RGS7: variants seen among roughly 807,000 people sequenced by gnomAD.
RGS7 encodes the protein regulator of G protein signaling 7.
In RGS7, 27 loss-of-function variants were observed where a neutral mutation model predicts 81.1. The observed-to-expected ratio is 0.33, with a 90% CI of 0.25 to 0.46. The LOEUF is 0.46. RGS7 is among the 20% of genes least tolerant of loss of function. The probability of loss-of-function intolerance (pLI) is 1.00; values close to 1 mark genes in which losing one functional copy is unlikely to be tolerated. For synonymous variants in RGS7, 208 were observed against 207.7 expected (o/e 1.00, Z -0.01); for missense variants, 396 against 607.4 (o/e 0.65, Z 3.66).
At chr1:241,168,720 GTC>G (rs72385432) in intron 2 of RGS7, among the ~76,000 whole-genome samples, 26,842 of 150,214 alleles carry the variant, frequency 0.18, 3,667 homozygotes, top group African/African-American at 0.38. Context: ...CTCTCTCTCT[GTC>G]TCTCTCTCTC....
At chr1:241,206,959 GGTTT>G (rs2073929771) in intron 2 of RGS7, among the ~76,000 whole-genome samples, 1 of 116,390 alleles carries the variant, frequency 8.6e-6, no homozygotes, top group African/African-American at 3.3e-5. Context: ...TTCTCTCTCT[GGTTT>G]TTTTTTTTTT....
intron 3 of RGS7, among the ~76,000 whole-genome samples, chr1:241,098,433 C>T (rs1436128494): frequency 6.6e-6 from 1 of 152,132 alleles, no homozygotes. Context: ...TTTTACTTCG[C>T]ATTTGTTCAT....
intron 4 of RGS7, among the ~76,000 whole-genome samples, chr1:240,943,294 T>A (rs1255283904): frequency 6.6e-6 from 1 of 152,228 alleles, no homozygotes; most frequent in African/African-American, 2.4e-5. Flanking sequence ...CTGTGTGACC[T>A]GAGCAAGAGA....
chr1:241,200,602 T>G (rs966869145), intron 2 of RGS7, among the ~76,000 whole-genome samples: 1 of 152,142 alleles, frequency 6.6e-6, no homozygotes, highest in Non-Finnish European at 1.5e-5. Context: ...AGCAACACAT[T>G]CCCCTGCCCC....
intron 2 of RGS7, among the ~76,000 whole-genome samples, chr1:241,292,986 T>G (rs1445511658): frequency 6.6e-6 from 1 of 152,232 alleles, no homozygotes; most frequent in Non-Finnish European, 1.5e-5. Context: ...ATTTGTAGAA[T>G]GTAATATGAA....
intron 3 of RGS7, among the ~76,000 whole-genome samples, chr1:241,076,376 TC>T (rs1257685952): frequency 3.3e-5 from 5 of 152,166 alleles, no homozygotes; most frequent in African/African-American, 1.2e-4. Flanking sequence ...CTTACATTCC[TC>T]CCTAATTAGT....
chr1:240,839,260 T>C (rs904256686), intron 9 of RGS7, among the ~76,000 whole-genome samples: 1 of 152,228 alleles, frequency 6.6e-6, no homozygotes, highest in African/African-American at 2.4e-5. Context: ...TTGGTTCTGA[T>C]GTGGATCAGA....
At chr1:240,866,527 A>G (rs922309310) in intron 9 of RGS7, among the ~76,000 whole-genome samples, 5 of 148,442 alleles carry the variant, frequency 3.4e-5, no homozygotes, top group Admixed American at 2.0e-4. Flanking sequence ...AAAAAAAAAA[A>G]GTTCAACAAG....
chr1:241,247,479 ATC>A (rs1185788511), intron 2 of RGS7, among the ~76,000 whole-genome samples: 1 of 152,146 alleles, frequency 6.6e-6, no homozygotes, highest in African/African-American at 2.4e-5. Context: ...GGGGAGTCTG[ATC>A]TCTCTTTCCC....
At chr1:241,336,981 G>A (rs2082278853) in intron 2 of RGS7, among the ~76,000 whole-genome samples, 3 of 152,154 alleles carry the variant, frequency 2.0e-5, no homozygotes, top group Admixed American at 2.0e-4. Context: ...CAGTAGGGAA[G>A]TAGCTTGGTA....
intron 9 of RGS7, among the ~76,000 whole-genome samples, chr1:240,844,105 G>A (rs1658624946): frequency 6.6e-6 from 1 of 152,126 alleles, no homozygotes. Context: ...GATTGCAAGA[G>A]TGGTTTAAAG....
In RGS7 at chr1:241,274,878, T is replaced by G. The variant is rs185557880; in HGVS notation, c.78+80821A>C. On this transcript the variant is annotated intron_variant, in intron 2 of 18. Coordinates refer to ENST00000440928, the MANE Select transcript of RGS7 (RefSeq NM_001364886.1). Reference sequence around the variant, plus strand: ...CTGAATTATCTGTAACATCTCCCTTTTAAACATGTGCTTTCAGATAACATC... The same window carrying G: ...CTGAATTATCTGTAACATCTCCCTTGTAAACATGTGCTTTCAGATAACATC... Among the ~76,000 whole-genome samples, 15 of 152,346 alleles carry G rather than the reference T, an allele frequency of 9.8e-5. No homozygotes were observed. In the East Asian group the frequency reaches 2.1e-3, roughly 22 times the overall value.
chr1:241,121,705 T>C (rs1415239539), intron 2 of RGS7, among the ~76,000 whole-genome samples: 1 of 137,182 alleles, frequency 7.3e-6, no homozygotes, highest in Non-Finnish European at 1.5e-5. Context: ...TGTGTTGCAA[T>C]TGTTCTTTTT....
intron 2 of RGS7, among the ~76,000 whole-genome samples, chr1:241,220,261 T>A (rs1162575464): frequency 6.6e-6 from 1 of 152,216 alleles, no homozygotes; most frequent in Non-Finnish European, 1.5e-5. Flanking sequence ...AAGTAAGGAA[T>A]TCTTACCCTT....
intron 4 of RGS7, among the ~76,000 whole-genome samples, chr1:240,952,820 T>A (rs1014378160): frequency 8.9e-5 from 6 of 67,056 alleles, no homozygotes; most frequent in South Asian, 7.6e-4. Context: ...ATATAAAGAC[T>A]CATATATGTT....
intron 3 of RGS7, among the ~76,000 whole-genome samples, chr1:240,985,404 T>A (rs933258810): frequency 4.6e-5 from 7 of 152,202 alleles, no homozygotes; most frequent in African/African-American, 1.7e-4. Flanking sequence ...ACTAAGTTTT[T>A]AAAAATATTC....
chr1:241,231,912 G>GA (rs2075683230), intron 2 of RGS7, among the ~76,000 whole-genome samples: 1 of 152,166 alleles, frequency 6.6e-6, no homozygotes, highest in South Asian at 2.1e-4. Context: ...CTCAAGATCA[G>GA]AAAAATTTTC....
At chr1:241,194,177 C>CTA (rs1409443353) in intron 2 of RGS7, among the ~76,000 whole-genome samples, 1 of 152,094 alleles carries the variant, frequency 6.6e-6, no homozygotes, top group Non-Finnish European at 1.5e-5. Flanking sequence ...ATTTTCTTTA[C>CTA]TTAATTTTGT....
chr1:241,110,931 C>A (rs111938105), intron 2 of RGS7, among the ~76,000 whole-genome samples: 3 of 152,126 alleles, frequency 2.0e-5, no homozygotes, highest in Admixed American at 1.3e-4. Flanking sequence ...GTGATCCACC[C>A]GCCCCAGCCT....
Sources: gnomAD v4.1 joint callset for allele counts (sites outside exome capture counted in the v4.1 genomes callset) on GRCh38, gnomAD v4.1.1 for gene constraint, MANE v1.5 for transcripts, NCBI Gene and HGNC (gene_info 2026-07-23, HGNC 2026-07-21) for gene names.